CSMD1: variants seen among roughly 807,000 people sequenced by gnomAD.
CSMD1 encodes the protein CUB and Sushi multiple domains 1.
In CSMD1, 213 loss-of-function variants were observed where a neutral mutation model predicts 417.5. The ratio of observed to expected loss-of-function variants is 0.51; its 90% CI spans 0.46 to 0.57. CSMD1 has a LOEUF of 0.57. CSMD1 is among the 20% of genes least tolerant of loss of function. The pLI is 0.00. For missense variants in CSMD1, 6,923 were observed against 4,529.7 expected (o/e 1.53, Z -15.17); for synonymous variants, 2,862 against 1,736.8 (o/e 1.65, Z -16.11).
At chr8:4,323,959 T>A (rs944886771) in intron 3 of CSMD1, among the ~76,000 whole-genome samples, 1 of 152,174 alleles carries the variant, frequency 6.6e-6, no homozygotes, top group Non-Finnish European at 1.5e-5. Context: ...TACTGGGCTG[T>A]CAGTGCAGCC....
In CSMD1 at chr8:3,335,415, C is replaced by T. The variant is rs148980279; in HGVS notation, c.3631+7879G>A. Among the ~76,000 whole-genome samples, 631 of 152,272 alleles carry T rather than the reference C, an allele frequency of 4.1e-3. 4 individuals are homozygous for T. Among genetic ancestry groups the T allele is most frequent in the Admixed American group, 9.2e-3 (141 of 15,294 alleles). ...AGGTTTGGCCAGGCATGGTGGCTCA[C>T]GCCTGTAATCCCATCACTTTGGGAG... is the stretch of plus-strand genomic sequence containing the variant. On this transcript the variant is annotated intron_variant, in intron 23 of 69. Coordinates refer to ENST00000635120, the MANE Select transcript of CSMD1 (RefSeq NM_033225.6).
intron 7 of CSMD1, among the ~76,000 whole-genome samples, chr8:3,707,533 C>A (rs1317652758): frequency 6.6e-6 from 1 of 152,190 alleles, no homozygotes; most frequent in South Asian, 2.1e-4. Context: ...AGGAAGTCAA[C>A]CCACTTGGTA....
chr8:3,895,949 C>A (rs916182089), intron 5 of CSMD1, among the ~76,000 whole-genome samples: 1 of 152,188 alleles, frequency 6.6e-6, no homozygotes, highest in African/African-American at 2.4e-5. Context: ...CTTTAGGTCC[C>A]ACTTGTAAAA....
chr8:3,027,991 T>C (rs1404741293), intron 51 of CSMD1, among the ~76,000 whole-genome samples: 1 of 152,192 alleles, frequency 6.6e-6, no homozygotes, highest in East Asian at 1.9e-4. Flanking sequence ...TGGAAGATTG[T>C]CACGCAGCAA....
At chr8:3,477,844 G>A (rs2117228174) in intron 11 of CSMD1, among the ~76,000 whole-genome samples, 1 of 152,304 alleles carries the variant, frequency 6.6e-6, no homozygotes, top group Non-Finnish European at 1.5e-5. Context: ...GGACATGGTA[G>A]TTACAGATTC....
At chr8:3,067,522 G>C (rs890501199) in intron 49 of CSMD1, among the ~76,000 whole-genome samples, 1 of 151,810 alleles carries the variant, frequency 6.6e-6, no homozygotes, top group Admixed American at 6.6e-5. Context: ...CTGAGAATCA[G>C]AATTTAAACC....
At chr8:3,825,663 G>C (rs17067691) in intron 5 of CSMD1, among the ~76,000 whole-genome samples, 1,723 of 152,216 alleles carry the variant, frequency 0.011, 32 homozygotes, top group African/African-American at 0.039. Flanking sequence ...CTGAGGCCAA[G>C]TTTTACTCTC....
At chr8:4,083,976 T>G (rs1239468876) in intron 3 of CSMD1, among the ~76,000 whole-genome samples, 1 of 151,904 alleles carries the variant, frequency 6.6e-6, no homozygotes, top group Non-Finnish European at 1.5e-5. Context: ...GAATCTACAA[T>G]GAACTCAAAC....
chr8:3,780,723 G>A (rs80142537), intron 5 of CSMD1, among the ~76,000 whole-genome samples: 4,764 of 152,256 alleles, frequency 0.031, 280 homozygotes, highest in African/African-American at 0.11. Flanking sequence ...ATGCACAGAT[G>A]CTTTCCACAT....
intron 3 of CSMD1, among the ~76,000 whole-genome samples, chr8:4,121,236 TCC>T (rs1802471060): frequency 3.3e-5 from 5 of 152,102 alleles, no homozygotes; most frequent in Non-Finnish European, 7.4e-5. Context: ...TGCCTCAGCC[TCC>T]CAGCTATCTG....
chr8:4,678,298 C>G lies in CSMD1; in HGVS notation c.86-40740G>C, dbSNP rs558958897. Among the ~76,000 whole-genome samples the G allele has an allele frequency of 7.2e-5, 11 of 152,120 alleles. No individual in the cohort carries two copies. In the South Asian group the frequency reaches 2.3e-3, roughly 32 times the overall value. ...TGGTGGCACGCACCTGTAGTCCCAA[C>G]TACTTGGGAGGGTGAGGCATGAGAA... On this transcript the variant is annotated intron_variant, in intron 1 of 69. Transcript: ENST00000635120.
intron 2 of CSMD1, among the ~76,000 whole-genome samples, chr8:4,564,398 C>A (rs1218557482): frequency 6.6e-6 from 1 of 152,104 alleles, no homozygotes; most frequent in African/African-American, 2.4e-5. Flanking sequence ...ATGTGTTGCT[C>A]ACTGTTCTGG....
chr8:4,174,786 C>A (rs2552097), intron 3 of CSMD1, among the ~76,000 whole-genome samples: 1,315 of 10,298 alleles, frequency 0.13, 115 homozygotes, highest in Non-Finnish European at 0.17. Context: ...AGAGACAGAC[C>A]GACACAGATT....
chr8:4,423,471 A>C (rs1304670918), intron 2 of CSMD1, among the ~76,000 whole-genome samples: 1 of 152,090 alleles, frequency 6.6e-6, no homozygotes, highest in Non-Finnish European at 1.5e-5. Flanking sequence ...CTCAAAGAAA[A>C]GCTTCTGTAT....
intron 2 of CSMD1, among the ~76,000 whole-genome samples, chr8:4,516,777 A>C (rs1266006016): frequency 6.6e-6 from 1 of 152,164 alleles, no homozygotes; most frequent in Non-Finnish European, 1.5e-5. Context: ...CAACTCATGT[A>C]AAGTTCTTGT....
At chr8:4,692,649 G>A (rs935459898) in intron 1 of CSMD1, among the ~76,000 whole-genome samples, 2 of 152,180 alleles carry the variant, frequency 1.3e-5, no homozygotes, top group Admixed American at 6.5e-5. Flanking sequence ...GACAAGGACT[G>A]ACCAACTGTC....
At chr8:4,191,842 A>G (rs567416000) in intron 3 of CSMD1, among the ~76,000 whole-genome samples, 3 of 152,234 alleles carry the variant, frequency 2.0e-5, no homozygotes, top group East Asian at 3.9e-4. Flanking sequence ...AGTCAGCAAA[A>G]TCAACAGTCA....
At chr8:4,875,466 T>G (rs569881278) in intron 1 of CSMD1, among the ~76,000 whole-genome samples, 11 of 152,144 alleles carry the variant, frequency 7.2e-5, no homozygotes, top group South Asian at 6.2e-4. Context: ...CCATTTTACA[T>G]GTTTGGATGC....
rs1808748942 is a variant in CSMD1 at position 4,951,553 on chromosome 8, G to A, written c.85+42779C>T. 2.0e-5 allele frequency among the ~76,000 whole-genome samples: 3 copies of A among 146,634 alleles called. No homozygotes were observed. The Admixed American group carries it at 2.1e-4, about 10-fold the overall frequency. Reference sequence around the variant, plus strand: ...AGAGAAAAGAAAAGAAAAGAAAAAAGGAAAAGAGAAAATAAAAAAGAAAAG... The same window carrying A: ...AGAGAAAAGAAAAGAAAAGAAAAAAAGAAAAGAGAAAATAAAAAAGAAAAG... On this transcript the variant is annotated intron_variant, in intron 1 of 69. Coordinates refer to ENST00000635120, the MANE Select transcript of CSMD1 (RefSeq NM_033225.6).
Sources: gnomAD v4.1 joint callset for allele counts (sites outside exome capture counted in the v4.1 genomes callset) on GRCh38, gnomAD v4.1.1 for gene constraint, MANE v1.5 for transcripts, NCBI Gene and HGNC (gene_info 2026-07-23, HGNC 2026-07-21) for gene names.